Variants in SLC4A4 observed in about 807,000 individuals in gnomAD.
SLC4A4 encodes the protein electrogenic sodium bicarbonate cotransporter 1.
SLC4A4 carries 27 observed loss-of-function variants against 111.5 expected under a neutral mutation model. That is an observed-to-expected ratio of 0.24 (90% CI 0.18 to 0.33). The LOEUF (loss-of-function observed/expected upper bound fraction) is 0.33, where lower values mean the gene tolerates loss of function less well. Ranked by LOEUF, SLC4A4 falls within the 10% of genes least tolerant of loss-of-function variation. The probability of loss-of-function intolerance (pLI) is 1.00; values close to 1 mark genes in which losing one functional copy is unlikely to be tolerated. For synonymous variants in SLC4A4, 443 were observed against 463.4 expected, an observed-to-expected ratio of 0.96 and a Z score of 0.57; for missense variants, 909 against 1,315.5, an observed-to-expected ratio of 0.69 and a Z score of 4.78.
At chr4:71,242,516 G>A (rs3100214) in intron 2 of SLC4A4, among the ~76,000 whole-genome samples, 139,308 of 152,074 alleles carry the variant, frequency 0.92, 64,564 homozygotes, top group East Asian at 0.99. Flanking sequence ...TAAAATGGGA[G>A]CAATGGAGCA....
At position 71,068,105 on chromosome 4, in the gene SLC4A4, C is replaced by T. The variant is rs1741574875; in HGVS notation, c.-65+5317C>T. 2.2e-5 allele frequency among the ~76,000 whole-genome samples: 3 copies of T among 139,110 alleles called. No homozygotes were observed. The South Asian group carries it at 6.9e-4, about 32-fold the overall frequency. 91.3% of individuals were successfully genotyped at this position (139,110 alleles called of 152,430 possible). A position where few individuals can be genotyped will look rare whatever the true frequency, so the allele number is the denominator to read the frequency against. On this transcript the variant is annotated intron_variant, in intron 1 of 26. Coordinates refer to the SLC4A4 transcript ENST00000649996. ...TTGAGATGGAGTTTTGCTCTTGTCG[C>T]CCAGGCTGGGGTGCAGTGGCATGAT... is the stretch of plus-strand genomic sequence containing the variant.
chr4:71,376,351 G>A (rs1004452688), intron 6 of SLC4A4, among the ~76,000 whole-genome samples: 19 of 150,678 alleles, frequency 1.3e-4, no homozygotes, highest in Admixed American at 2.0e-4. Context: ...ACGGGCACCC[G>A]CCACCATGCC....
chr4:71,188,178 C>T (rs1298901504), intron 1 of SLC4A4, among the ~76,000 whole-genome samples: 2 of 152,170 alleles, frequency 1.3e-5, no homozygotes, highest in Non-Finnish European at 2.9e-5. Context: ...CTGGGAACTA[C>T]ATCAGCAAAC....
intron 2 of SLC4A4, among the ~76,000 whole-genome samples, chr4:71,108,368 T>C (rs1743000718): frequency 6.6e-6 from 1 of 152,222 alleles, no homozygotes; most frequent in Non-Finnish European, 1.5e-5. Flanking sequence ...TGAGAATGCC[T>C]TAGTTTCTCC....
intron 15 of SLC4A4, among the ~76,000 whole-genome samples, chr4:71,488,325 G>A (rs116236475): frequency 9.3e-5 from 14 of 151,302 alleles, no homozygotes; most frequent in East Asian, 7.8e-4. Context: ...AAGCCCTGTC[G>A]TTGGGAAGTC....
intron 6 of SLC4A4, among the ~76,000 whole-genome samples, chr4:71,362,879 G>A (rs773008695): frequency 2.7e-4 from 41 of 152,204 alleles, no homozygotes; most frequent in Non-Finnish European, 4.6e-4. Flanking sequence ...TTCTCCTGGT[G>A]CCCGTGGTCT....
intron 3 of SLC4A4, among the ~76,000 whole-genome samples, chr4:71,331,429 T>C (rs1191463276): frequency 1.3e-5 from 2 of 152,060 alleles, no homozygotes; most frequent in African/African-American, 2.4e-5. Flanking sequence ...ATGTCCTTTG[T>C]AGGGACATGG....
At chr4:71,230,322 G>C (rs1169358366) in intron 1 of SLC4A4, among the ~76,000 whole-genome samples, 1 of 152,198 alleles carries the variant, frequency 6.6e-6, no homozygotes, top group Non-Finnish European at 1.5e-5. Flanking sequence ...CAGTCCTCAA[G>C]TAAAGGCCCT....
intron 7 of SLC4A4, among the ~76,000 whole-genome samples, chr4:71,414,516 G>T (rs1721667130): frequency 6.6e-6 from 1 of 152,082 alleles, no homozygotes; most frequent in Admixed American, 6.6e-5. Flanking sequence ...TTTAACTCTT[G>T]GTTGCCTACA....
chr4:71,506,301 A>G (rs772881849), intron 16 of SLC4A4, among the ~76,000 whole-genome samples: 3 of 152,168 alleles, frequency 2.0e-5, no homozygotes, highest in African/African-American at 7.2e-5. Flanking sequence ...ACATTTTAAC[A>G]TATTGATTCT....
chr4:71,305,701 A>G (rs1471240353), intron 3 of SLC4A4, among the ~76,000 whole-genome samples: 2 of 152,212 alleles, frequency 1.3e-5, no homozygotes, highest in Non-Finnish European at 2.9e-5. Flanking sequence ...GCATTCATAA[A>G]ACATCTACAG....
chr4:71,555,236 C>T (rs1452763661), intron 21 of SLC4A4, 28 bp downstream of exon 21: 1 of 1,446,508 alleles, frequency 6.9e-7, no homozygotes. Flanking sequence ...AATGTAAGTA[C>T]AGTAGTGTTT....
chr4:71,079,312 A>T (rs1386895860), intron 1 of SLC4A4, among the ~76,000 whole-genome samples: 3 of 152,178 alleles, frequency 2.0e-5, no homozygotes, highest in Admixed American at 2.0e-4. Context: ...CAGGTGAAAC[A>T]TGGGACACAT....
chr4:71,070,271 G>A (rs1247776381), intron 1 of SLC4A4, among the ~76,000 whole-genome samples: 2 of 152,156 alleles, frequency 1.3e-5, no homozygotes, highest in Non-Finnish European at 2.9e-5. Context: ...TACAACAAAA[G>A]TTGATTTCTC....
At chr4:71,292,884 C>G (rs1167104223) in intron 3 of SLC4A4, among the ~76,000 whole-genome samples, 1 of 146,176 alleles carries the variant, frequency 6.8e-6, no homozygotes, top group Admixed American at 6.8e-5. Context: ...CTCTGTCACC[C>G]AGGCTGGAGT....
rs537616003 is a variant in SLC4A4 at position 71,115,917 on chromosome 4, G to A, written c.-2+23125G>A. Among the ~76,000 whole-genome samples the A allele has an allele frequency of 1.4e-4, 22 of 151,852 alleles. No individual in the cohort carries two copies. The South Asian group carries it at 3.7e-3, about 26-fold the overall frequency. ...TATTTTATTTTTTGTTTTTGGAGACGGAGTTTCACTCTTGTTGCCCAGGCT... is the reference window on the plus strand; with the variant it reads ...TATTTTATTTTTTGTTTTTGGAGACAGAGTTTCACTCTTGTTGCCCAGGCT... On this transcript the variant is annotated intron_variant, in intron 2 of 26. Coordinates refer to the SLC4A4 transcript ENST00000649996.
intron 4 of SLC4A4, among the ~76,000 whole-genome samples, chr4:71,349,453 G>C (rs537588549): frequency 6.6e-6 from 1 of 152,082 alleles, no homozygotes; most frequent in African/African-American, 2.4e-5. Context: ...TTATGTCTGC[G>C]ATAAATATTG....
intron 3 of SLC4A4, among the ~76,000 whole-genome samples, chr4:71,276,311 G>T (rs745745583): frequency 6.6e-6 from 1 of 151,652 alleles, no homozygotes; most frequent in South Asian, 2.1e-4. Flanking sequence ...GTGTGACATC[G>T]TATGATGTGT....
chr4:71,225,234 C>A (rs985096980), intron 1 of SLC4A4, among the ~76,000 whole-genome samples: 4 of 152,088 alleles, frequency 2.6e-5, no homozygotes, highest in Non-Finnish European at 4.4e-5. Context: ...TGCCTGTAAT[C>A]CCAGCTACTT....
Sources: gnomAD v4.1 joint callset for allele counts (sites outside exome capture counted in the v4.1 genomes callset) on GRCh38, gnomAD v4.1.1 for gene constraint, MANE v1.5 for transcripts, NCBI Gene and HGNC (gene_info 2026-07-23, HGNC 2026-07-21) for gene names.